The following CARD18 variants were observed in gnomAD, a reference collection of about 807,000 sequenced individuals.
The protein encoded by CARD18 is caspase recruitment domain-containing protein 18.
A neutral mutation model predicts 7.9 loss-of-function variants in CARD18; 7 were observed. The ratio of observed to expected loss-of-function variants is 0.88; its 90% CI spans 0.50 to 1.66. CARD18 has a LOEUF of 1.66. Ranked by LOEUF, CARD18 falls within the 40% of genes most tolerant of loss-of-function variation. CARD18 has a pLI of 0.00. For missense variants in CARD18, 134 were observed against 105.5 expected (o/e 1.27, Z -1.18); for synonymous variants, 34 against 34.8 (o/e 0.98, Z 0.08).
chr11:105,139,033 C>T lies in CARD18; in HGVS notation c.53G>A (p.Gly18Asp), dbSNP rs757868828. ...KKRRIFIHSVGAGTINALLDC... is the reference protein window; with the variant it reads ...KKRRIFIHSVDAGTINALLDC... ...CAGCAAGGCATTTATTGTGCCTGCA[C>T]CCACTGAATGGATAAAAATTCTTCT... The change falls in exon 2 of 3, where the codon GGT becomes GAT. Residue 18 changes from glycine (G) to aspartate (D), a missense_variant. By Grantham distance (94) the Gly-to-Asp change is moderately conservative. Transcript: ENST00000530950. 5 of 1,613,472 alleles carry T rather than the reference C, an allele frequency of 3.1e-6. No homozygotes were observed.
At chr11:105,139,426 C>T in intron 1 of CARD18, 1 of 545,464 alleles carries the variant, frequency 1.8e-6, no homozygotes, top group Non-Finnish European at 3.2e-6. Flanking sequence ...ACAACAGCTA[C>T]TGATACCCAT....
chr11:105,139,495 A>T, intron 1 of CARD18: 1 of 573,428 alleles, frequency 1.7e-6, no homozygotes, highest in Non-Finnish European at 3.1e-6. Flanking sequence ...ACACTAGCAA[A>T]ATTATAGCAG....
intron 2 of CARD18, 43 bp downstream of exon 2, chr11:105,138,769 T>C (rs751774383): frequency 1.3e-6 from 2 of 1,599,692 alleles, no homozygotes; most frequent in East Asian, 2.2e-5. Flanking sequence ...GAATTCAAGA[T>C]ACAGGGCCTA....
chr11:105,139,425 A>G, intron 1 of CARD18: 1 of 545,332 alleles, frequency 1.8e-6, no homozygotes, highest in Middle Eastern at 4.8e-4. Context: ...AACAACAGCT[A>G]CTGATACCCA....
rs1339729041 is a variant in CARD18, at chr11:105,138,860, G to A, written c.226C>T (p.Leu76Phe). Residue 76 changes from leucine (L) to phenylalanine (F), a missense_variant, in exon 2 of 3, where the codon CTC (leucine) becomes TTC (phenylalanine). Leu to Phe is a conservative substitution (Grantham distance 22). Transcript: ENST00000530950. ...PKSCCKFIKH[L>F]CEEDPQLASK... is the part of the protein sequence containing the mutation. ...GCAAGTTGAGGGTCTTCTTCACAGAGATGCTTGATAAATTTGCAGCAAGAC... is the reference window on the plus strand; with the variant it reads ...GCAAGTTGAGGGTCTTCTTCACAGAAATGCTTGATAAATTTGCAGCAAGAC... 3 of 1,613,662 alleles carry A rather than the reference G, an allele frequency of 1.9e-6. No homozygotes were observed. The South Asian group carries it at 3.3e-5, about 18-fold the overall frequency.
chr11:105,138,630 G>A (rs543492311), intron 2 of CARD18, among the ~76,000 whole-genome samples, 182 bp downstream of exon 2: 1 of 152,074 alleles, frequency 6.6e-6, no homozygotes, highest in African/African-American at 2.4e-5. Flanking sequence ...GAGAGAACAG[G>A]TACAAGGGAC....
rs2134726174 is a variant in CARD18 at position 105,139,732 on chromosome 11, C to T, written c.-6G>A. 6.3e-7 allele frequency: 1 copy of T among 1,598,974 alleles called. No homozygotes were observed. Among genetic ancestry groups the T allele is most frequent in the East Asian group, 2.2e-5 (1 of 44,868 alleles). ...GGGGAAGACTCACCAGCCATGGCTC[C>T]TCACGTTGGCACTTGCAATGTGTGT... On this transcript the variant is annotated 5_prime_UTR_variant, in exon 1 of 3. Transcript: ENST00000530950.
intron 2 of CARD18, 93 bp downstream of exon 2, chr11:105,138,719 C>T: frequency 2.2e-6 from 3 of 1,367,146 alleles, no homozygotes; most frequent in South Asian, 1.3e-5. Context: ...GATAGGAACC[C>T]TATTATCAAC....
intron 1 of CARD18, 36 bp downstream of exon 1, chr11:105,139,684 T>A (rs1268184215): frequency 6.3e-7 from 1 of 1,596,846 alleles, no homozygotes; most frequent in African/African-American, 1.3e-5. Flanking sequence ...AACTAATTCC[T>A]CCCTAAGACC....
At chr11:105,138,275 C>T (rs12797298) in intron 2 of CARD18, among the ~76,000 whole-genome samples, 177 bp from the exon 3 acceptor site, 16,256 of 152,062 alleles carry the variant, frequency 0.11, 1,113 homozygotes, top group Admixed American at 0.2. Flanking sequence ...TGACTTCCAA[C>T]GAGAATCCAT....
intron 1 of CARD18, 22 bp downstream of exon 1, chr11:105,139,698 C>G (rs1462859937): frequency 4.4e-6 from 7 of 1,598,746 alleles, no homozygotes; most frequent in Non-Finnish European, 5.9e-6. Flanking sequence ...TAAGACCTAT[C>G]CTCTTACTGG....
In CARD18 at chr11:105,139,042, T is replaced by C; in HGVS notation, c.44A>G (p.His15Arg). 1 of 1,613,348 alleles carries C rather than the reference T, an allele frequency of 6.2e-7. No homozygotes were observed. The highest frequency in any genetic ancestry group is 8.5e-7 in the Non-Finnish European group (1 of 1,179,588). Reference protein sequence around the residue: ...LLRKKRRIFIHSVGAGTINAL... With the variant: ...LLRKKRRIFIRSVGAGTINAL... ...ATTTATTGTGCCTGCACCCACTGAA[T>C]GGATAAAAATTCTTCTCTTTTTACG... Residue 15 changes from histidine (H) to arginine (R), a missense_variant, in exon 2 of 3, where the codon CAT (histidine) becomes CGT (arginine). By Grantham distance (29) the His-to-Arg change is conservative (BLOSUM62 0). Coordinates refer to ENST00000530950, the MANE Select transcript of CARD18 (RefSeq NM_021571.4).
rs1161201871 is a variant in CARD18 at position 105,139,646 on chromosome 11, G to A, written c.7+74C>T. 5 of 1,532,782 alleles carry A rather than the reference G, an allele frequency of 3.3e-6. No homozygotes were observed. The East Asian group carries it at 9.0e-5, about 28-fold the overall frequency. The allele number at this position is 1,532,782 out of a possible 1,614,324, so 94.9% of individuals were successfully genotyped here. A position where few individuals can be genotyped will look rare whatever the true frequency, so the allele number is the denominator to read the frequency against. On this transcript the variant is annotated intron_variant, in intron 1 of 2. Transcript: ENST00000530950. ...GGCTGCCCACACAAACCTTCACAAAGCCTAATGAGAAAGGCAGTCCTTTCC... is the reference window on the plus strand; with the variant it reads ...GGCTGCCCACACAAACCTTCACAAAACCTAATGAGAAAGGCAGTCCTTTCC...
rs754414017 is a variant in CARD18, at chr11:105,139,058, T to C, written c.28A>G (p.Arg10Gly). The change falls in exon 2 of 3, where the codon AGA (arginine) becomes GGA (glycine). Residue 10 changes from arginine to glycine, a missense_variant. Physicochemically the swap from Arg to Gly is moderately radical, Grantham distance 125 (BLOSUM62 -2). Coordinates refer to ENST00000530950, the MANE Select transcript of CARD18 (RefSeq NM_021571.4). The stretch of plus-strand genomic sequence containing the variant: ...CCCACTGAATGGATAAAAATTCTTC[T>C]CTTTTTACGCAAGAGTTGGTCTGTT... MADQLLRKK[R>G]RIFIHSVGAG... The C allele has an allele frequency of 5.0e-6, 8 of 1,613,124 alleles. No homozygotes were observed. The East Asian group carries it at 1.8e-4, about 36-fold the overall frequency.
Position 105,139,721 on chromosome 11 carries a change from A to C in CARD18, c.6T>G (p.Ala2=), listed in dbSNP as rs115390164. Residue 2 remains alanine (A), a splice_region_variant and synonymous_variant, in exon 1 of 3, where the codon GCT becomes GCG. Coordinates refer to ENST00000530950, the MANE Select transcript of CARD18 (RefSeq NM_021571.4). M[A]DQLLRKKRRI... ...ATCCTCTTACTGGGGAAGACTCACC[A>C]GCCATGGCTCCTCACGTTGGCACTT... 2.5e-4 allele frequency: 405 copies of C among 1,598,964 alleles called. 2 individuals carry two copies. In the East Asian group the frequency reaches 8.6e-3, roughly 34 times the overall value.
rs922394152 is a variant in CARD18 at position 105,139,042 on chromosome 11, T to A, written c.44A>T (p.His15Leu). 2 of 1,613,348 alleles carry A rather than the reference T, an allele frequency of 1.2e-6. No homozygotes were observed. Among genetic ancestry groups the A allele is most frequent in the Admixed American group, 3.3e-5 (2 of 59,944 alleles). Reference protein sequence around the residue: ...LLRKKRRIFIHSVGAGTINAL... With the variant: ...LLRKKRRIFILSVGAGTINAL... ...ATTTATTGTGCCTGCACCCACTGAA[T>A]GGATAAAAATTCTTCTCTTTTTACG... The change falls in exon 2 of 3, where the codon CAT (histidine) becomes CTT (leucine). Residue 15 changes from histidine (H) to leucine (L), a missense_variant. Physicochemically the swap from His to Leu is moderately conservative, Grantham distance 99. Transcript: ENST00000530950.
intron 1 of CARD18, chr11:105,139,422 G>A: frequency 1.8e-6 from 1 of 541,310 alleles, no homozygotes; most frequent in South Asian, 2.7e-5. Context: ...GAGAACAACA[G>A]CTACTGATAC....
At position 105,139,737 on chromosome 11, in the gene CARD18, G is replaced by C; in HGVS notation, c.-11C>G. 1 of 1,598,864 alleles carries C rather than the reference G, an allele frequency of 6.3e-7. No homozygotes were observed. Among genetic ancestry groups the C allele is most frequent in the Non-Finnish European group, 8.5e-7 (1 of 1,179,360 alleles). ...AGACTCACCAGCCATGGCTCCTCAC[G>C]TTGGCACTTGCAATGTGTGTTACAC... On this transcript the variant is annotated 5_prime_UTR_variant, in exon 1 of 3. Transcript: ENST00000530950.
intron 1 of CARD18, 193 bp downstream of exon 1, chr11:105,139,527 C>A: frequency 1.7e-6 from 1 of 598,674 alleles, no homozygotes. Flanking sequence ...ATCCCAGATT[C>A]TTCCTGGCCT....
Sources: gnomAD v4.1 joint callset for allele counts (sites outside exome capture counted in the v4.1 genomes callset) on GRCh38, gnomAD v4.1.1 for gene constraint, MANE v1.5 for transcripts, NCBI Gene and HGNC (gene_info 2026-07-23, HGNC 2026-07-21) for gene names.